Variants in DNAJC6 observed in about 807,000 individuals in gnomAD.
DNAJC6 encodes auxilin.
In DNAJC6, 34 loss-of-function variants were observed where a neutral mutation model predicts 110.0. The observed-to-expected ratio is 0.31, with a 90% CI of 0.24 to 0.41. The LOEUF is 0.41. DNAJC6 is among the 10% of genes least tolerant of loss of function. DNAJC6 has a pLI of 1.00. For synonymous variants in DNAJC6, 406 were observed against 437.2 expected (o/e 0.93, Z 0.89); for missense variants, 1,031 against 1,207.8 (o/e 0.85, Z 2.17).
intron 1 of DNAJC6, among the ~76,000 whole-genome samples, chr1:65,271,531 T>G (rs543561597): frequency 2.6e-5 from 4 of 152,164 alleles, no homozygotes; most frequent in African/African-American, 9.7e-5. Flanking sequence ...TGTGGCACTT[T>G]AGAATTTCAT....
intron 1 of DNAJC6, among the ~76,000 whole-genome samples, chr1:65,285,880 A>G (rs1654000986): frequency 6.6e-6 from 1 of 151,990 alleles, no homozygotes; most frequent in African/African-American, 2.4e-5. Flanking sequence ...TCATGTTGGT[A>G]GGCTGGTCTT....
chr1:65,329,690 T>G (rs1645270523), intron 1 of DNAJC6, among the ~76,000 whole-genome samples: 1 of 152,140 alleles, frequency 6.6e-6, no homozygotes, highest in Non-Finnish European at 1.5e-5. Flanking sequence ...AAGAAGGAAC[T>G]GCATCTCTAG....
At chr1:65,365,380 G>T (rs1009982825) in intron 2 of DNAJC6, among the ~76,000 whole-genome samples, 4 of 152,124 alleles carry the variant, frequency 2.6e-5, no homozygotes, top group Non-Finnish European at 4.4e-5. Flanking sequence ...ACAATATGCA[G>T]TTCTTAATCA....
At chr1:65,306,466 G>C (rs933810281), upstream of DNAJC6, 1 of 152,228 alleles carries the variant, frequency 6.6e-6, no homozygotes, top group Non-Finnish European at 1.5e-5. Flanking sequence ...AAGTGATGTG[G>C]CATCTGCTGT....
At chr1:65,396,196 C>T (rs1250536378) in intron 13 of DNAJC6, among the ~76,000 whole-genome samples, 1 of 152,154 alleles carries the variant, frequency 6.6e-6, no homozygotes, top group Non-Finnish European at 1.5e-5. Flanking sequence ...AAGAAATTCC[C>T]CTCTTACCTC....
intron 1 of DNAJC6, among the ~76,000 whole-genome samples, chr1:65,355,269 A>C (rs1439603507): frequency 6.6e-6 from 1 of 150,956 alleles, no homozygotes; most frequent in African/African-American, 2.4e-5. Context: ...TGTCTCAAAA[A>C]AAAAAAAAAA....
At chr1:65,402,066 G>A (rs888647090) in intron 15 of DNAJC6, among the ~76,000 whole-genome samples, 186 bp downstream of exon 15, 2 of 152,208 alleles carry the variant, frequency 1.3e-5, no homozygotes, top group Non-Finnish European at 2.9e-5. Context: ...TCAGATGTGG[G>A]GTTAGAAATC....
chr1:65,282,159 A>G (rs1365669796), intron 1 of DNAJC6, among the ~76,000 whole-genome samples: 2 of 152,158 alleles, frequency 1.3e-5, no homozygotes. Flanking sequence ...CCAGGGCTCA[A>G]GTGATCCTCC....
At chr1:65,406,652 C>G (rs1261927591) in intron 16 of DNAJC6, among the ~76,000 whole-genome samples, 1 of 152,166 alleles carries the variant, frequency 6.6e-6, no homozygotes, top group Non-Finnish European at 1.5e-5. Context: ...TTCTTATGCT[C>G]TGCTTGGTGG....
At chr1:65,270,954 C>T (rs1570193580) in intron 1 of DNAJC6, among the ~76,000 whole-genome samples, 1 of 152,196 alleles carries the variant, frequency 6.6e-6, no homozygotes, top group African/African-American at 2.4e-5. Flanking sequence ...GCTGGGATTA[C>T]AGGTGTGAGC....
At chr1:65,390,274 G>A (rs1245501230) in intron 11 of DNAJC6, among the ~76,000 whole-genome samples, 1 of 152,142 alleles carries the variant, frequency 6.6e-6, no homozygotes, top group Non-Finnish European at 1.5e-5. Context: ...ATCTTCCGCT[G>A]TCAACTAAAT....
chr1:65,341,707 C>G (rs1645390612), intron 1 of DNAJC6, among the ~76,000 whole-genome samples: 1 of 152,086 alleles, frequency 6.6e-6, no homozygotes, highest in Non-Finnish European at 1.5e-5. Flanking sequence ...TCTGCTGCCA[C>G]TACCCCTGGA....
At chr1:65,306,364 T>G (rs1479166416), upstream of DNAJC6, 2 of 152,118 alleles carry the variant, frequency 1.3e-5, no homozygotes, top group Non-Finnish European at 2.9e-5. Flanking sequence ...TCAATTTTAA[T>G]CAATGTATTA....
chr1:65,334,732 G>T (rs1055133143), intron 1 of DNAJC6, among the ~76,000 whole-genome samples: 1 of 152,274 alleles, frequency 6.6e-6, no homozygotes, highest in Admixed American at 6.5e-5. Context: ...AGAAAGGTGG[G>T]TTGGATTTGG....
intron 1 of DNAJC6, among the ~76,000 whole-genome samples, chr1:65,344,370 C>T (rs541283046): frequency 6.6e-6 from 1 of 152,276 alleles, no homozygotes; most frequent in South Asian, 2.1e-4. Context: ...AGAGAGGTTG[C>T]ATCACACCCT....
chr1:65,363,223 G>A (rs1331968301), intron 1 of DNAJC6, among the ~76,000 whole-genome samples: 2 of 152,140 alleles, frequency 1.3e-5, no homozygotes, highest in Non-Finnish European at 2.9e-5. Flanking sequence ...AACTTGAGAC[G>A]AGATTTGAGT....
intron 13 of DNAJC6, among the ~76,000 whole-genome samples, chr1:65,397,140 C>T (rs947077847): frequency 2.0e-5 from 3 of 152,144 alleles, no homozygotes; most frequent in Admixed American, 6.5e-5. Context: ...CTGTATTGTA[C>T]TAGCGAGTGG....
chr1:65,308,674 T>C (rs1478009066), upstream of DNAJC6, among the ~76,000 whole-genome samples: 1 of 152,178 alleles, frequency 6.6e-6, no homozygotes, highest in African/African-American at 2.4e-5. Flanking sequence ...AAATAAGGCG[T>C]GAGGCTAGAG....
At chr1:65,328,083 T>C (rs1470035036) in intron 1 of DNAJC6, among the ~76,000 whole-genome samples, 1 of 152,172 alleles carries the variant, frequency 6.6e-6, no homozygotes, top group African/African-American at 2.4e-5. Context: ...AGAAACAGTC[T>C]TTATACATTG....
Sources: gnomAD v4.1 joint callset for allele counts (sites outside exome capture counted in the v4.1 genomes callset) on GRCh38, gnomAD v4.1.1 for gene constraint, MANE v1.5 for transcripts, NCBI Gene and HGNC (gene_info 2026-07-23, HGNC 2026-07-21) for gene names.